The following TCF12 variants were observed in gnomAD, a reference collection of about 807,000 sequenced individuals.
TCF12 encodes transcription factor 12.
In TCF12, 45 loss-of-function variants were observed where a neutral mutation model predicts 86.0. The ratio of observed to expected loss-of-function variants is 0.52; its 90% CI spans 0.41 to 0.67. The LOEUF (loss-of-function observed/expected upper bound fraction) is 0.67, where lower values mean the gene tolerates loss of function less well. Ranked by LOEUF, TCF12 falls within the 30% of genes least tolerant of loss-of-function variation. The pLI, the probability that TCF12 is intolerant of heterozygous loss-of-function variation, is 0.00. For synonymous variants in TCF12, 330 were observed against 299.6 expected (o/e 1.10, Z -1.05); for missense variants, 881 against 859.9 (o/e 1.02, Z -0.31).
At chr15:57,249,472 T>C (rs2060009748) in intron 13 of TCF12, among the ~76,000 whole-genome samples, 1 of 152,126 alleles carries the variant, frequency 6.6e-6, no homozygotes, top group Admixed American at 6.5e-5. Flanking sequence ...GTATTTAAAG[T>C]ATATTTATGT....
At chr15:56,954,486 A>C (rs1350842606) in intron 3 of TCF12, among the ~76,000 whole-genome samples, 1 of 152,230 alleles carries the variant, frequency 6.6e-6, no homozygotes, top group Non-Finnish European at 1.5e-5. Flanking sequence ...AAGCCTAGGC[A>C]ATACTATTCA....
At chr15:57,148,245 T>C (rs974140258) in intron 5 of TCF12, among the ~76,000 whole-genome samples, 2 of 151,900 alleles carry the variant, frequency 1.3e-5, no homozygotes, top group Admixed American at 1.3e-4. Context: ...GGGGTTATTT[T>C]AGATAGTTTA....
chr15:56,933,121 C>T (rs1346525305), intron 3 of TCF12, among the ~76,000 whole-genome samples: 1 of 152,132 alleles, frequency 6.6e-6, no homozygotes, highest in African/African-American at 2.4e-5. Flanking sequence ...ATGGTTACTT[C>T]ATAGTATGGA....
chr15:56,993,494 G>A (rs574171005), intron 3 of TCF12, among the ~76,000 whole-genome samples: 1 of 152,282 alleles, frequency 6.6e-6, no homozygotes, highest in East Asian at 1.9e-4. Context: ...TCTGGATGAA[G>A]GAATTAAAAG....
At chr15:56,961,283 A>T (rs1034584650) in intron 3 of TCF12, among the ~76,000 whole-genome samples, 1 of 152,252 alleles carries the variant, frequency 6.6e-6, no homozygotes, top group Non-Finnish European at 1.5e-5. Flanking sequence ...ATGCTGTGCT[A>T]ATAATTGCAA....
At chr15:57,209,126 A>G (rs2057996275) in intron 8 of TCF12, among the ~76,000 whole-genome samples, 1 of 152,218 alleles carries the variant, frequency 6.6e-6, no homozygotes, top group Non-Finnish European at 1.5e-5. Context: ...CCATTATTTT[A>G]TGTATCTATA....
chr15:57,233,438 A>G (rs924213092), intron 11 of TCF12, among the ~76,000 whole-genome samples: 5 of 152,130 alleles, frequency 3.3e-5, no homozygotes, highest in Non-Finnish European at 5.9e-5. Context: ...TCGGCCTCCC[A>G]AAATGCTAGC....
chr15:57,210,206 T>G (rs1237786957), intron 8 of TCF12, among the ~76,000 whole-genome samples: 1 of 151,950 alleles, frequency 6.6e-6, no homozygotes, highest in Non-Finnish European at 1.5e-5. Context: ...AACAGATACT[T>G]AATAACTATT....
At chr15:57,240,349 A>G (rs2059559789) in intron 12 of TCF12, among the ~76,000 whole-genome samples, 1 of 152,208 alleles carries the variant, frequency 6.6e-6, no homozygotes, top group Non-Finnish European at 1.5e-5. Flanking sequence ...AGCACTATGA[A>G]GAATACGAAA....
At chr15:56,957,002 C>T (rs1357593739) in intron 3 of TCF12, among the ~76,000 whole-genome samples, 2 of 152,200 alleles carry the variant, frequency 1.3e-5, no homozygotes, top group Non-Finnish European at 2.9e-5. Flanking sequence ...CATGAGGGCT[C>T]TGTCTTCGAG....
chr15:57,205,742 T>C (rs142660137), intron 8 of TCF12, among the ~76,000 whole-genome samples: 1 of 152,360 alleles, frequency 6.6e-6, no homozygotes, highest in East Asian at 1.9e-4. Flanking sequence ...AGCCACTGTT[T>C]ATGCTGACAG....
intron 2 of TCF12, 69 bp downstream of exon 2, chr15:56,920,057 TTAAA>T (rs2059711591): frequency 8.8e-6 from 14 of 1,582,082 alleles, no homozygotes; most frequent in Non-Finnish European, 1.1e-5. Flanking sequence ...TTTGTTTCTT[TTAAA>T]TAAAGGGTGA....
intron 3 of TCF12, among the ~76,000 whole-genome samples, chr15:56,940,567 T>C (rs939982172): frequency 1.3e-5 from 2 of 149,794 alleles, no homozygotes; most frequent in Non-Finnish European, 3.0e-5. Flanking sequence ...CCTCTTCCTC[T>C]TCTTCTTCTT....
chr15:57,123,999 A>G (rs1444281401), intron 5 of TCF12, among the ~76,000 whole-genome samples: 6 of 101,452 alleles, frequency 5.9e-5, no homozygotes, highest in Admixed American at 5.8e-4. Context: ...TTTTTTTTCC[A>G]TAGGGACACA....
intron 5 of TCF12, among the ~76,000 whole-genome samples, chr15:57,129,132 A>G (rs564616022): frequency 7.2e-5 from 11 of 152,328 alleles, no homozygotes; most frequent in East Asian, 1.9e-4. Context: ...GCTCTGCACC[A>G]TTTTACAATC....
intron 5 of TCF12, among the ~76,000 whole-genome samples, chr15:57,093,353 T>G (rs906455533): frequency 2.6e-5 from 4 of 152,222 alleles, no homozygotes; most frequent in African/African-American, 9.7e-5. Flanking sequence ...TTAAGTGTAG[T>G]AGGGCAAGTA....
intron 6 of TCF12, among the ~76,000 whole-genome samples, chr15:57,175,166 A>C (rs1383541032): frequency 5.3e-5 from 8 of 152,132 alleles, no homozygotes; most frequent in African/African-American, 1.4e-4. Flanking sequence ...CAACTTAGCA[A>C]GATTCCCATC....
rs141431027 is a variant in TCF12, at chr15:57,046,731, C to T, written c.149-17019C>T. Among the ~76,000 whole-genome samples the T allele has an allele frequency of 3.1e-3, 468 of 152,316 alleles. 2 individuals carry two copies. The highest frequency in any genetic ancestry group is 0.011 in the African/African-American group (444 of 41,564). On this transcript the variant is annotated intron_variant, in intron 3 of 20. Coordinates refer to ENST00000333725, the MANE Select transcript of TCF12 (RefSeq NM_207037.2). ...TTGGCCTCCCCAAGTGCTGGGATTACAGGCGTGAGCCACCATACCTGGCTG... is the reference window on the plus strand; with the variant it reads ...TTGGCCTCCCCAAGTGCTGGGATTATAGGCGTGAGCCACCATACCTGGCTG...
At chr15:56,971,555 T>C (rs1174113810) in intron 3 of TCF12, among the ~76,000 whole-genome samples, 1 of 152,188 alleles carries the variant, frequency 6.6e-6, no homozygotes, top group African/African-American at 2.4e-5. Context: ...TGCCCTGGGC[T>C]GAGAGGAGGG....
Sources: gnomAD v4.1 joint callset for allele counts (sites outside exome capture counted in the v4.1 genomes callset) on GRCh38, gnomAD v4.1.1 for gene constraint, MANE v1.5 for transcripts, NCBI Gene and HGNC (gene_info 2026-07-23, HGNC 2026-07-21) for gene names.